ANO1: variants seen among roughly 807,000 people sequenced by gnomAD.
ANO1 encodes anoctamin 1, also known as anoctamin-1.
Under a neutral mutation model 124.0 loss-of-function variants are expected in ANO1, and 59 were observed. The ratio of observed to expected loss-of-function variants is 0.48; its 90% CI spans 0.39 to 0.59. ANO1 has a LOEUF of 0.59. Among genes scored for constraint, ANO1 ranks in the 20% least tolerant of loss-of-function variants. The pLI, the probability that ANO1 is intolerant of heterozygous loss-of-function variation, is 0.00. For synonymous variants in ANO1, 529 were observed against 532.0 expected (o/e 0.99, Z 0.08); for missense variants, 1,059 against 1,328.0 (o/e 0.80, Z 3.15).
intron 22 of ANO1, among the ~76,000 whole-genome samples, chr11:70,171,787 C>T (rs148228415): frequency 6.0e-4 from 91 of 152,184 alleles, no homozygotes; most frequent in African/African-American, 2.0e-3. Context: ...GGCAACATGA[C>T]GAAACCCTGT....
At chr11:69,975,775 G>A in the ANO1 span, among the ~76,000 whole-genome samples, 1 of 152,216 alleles carries the variant, frequency 6.6e-6, no homozygotes, top group Non-Finnish European at 1.5e-5. Context: ...GTCACCACCT[G>A]GCAGGTAGTA....
chr11:69,968,929 G>A, the ANO1 span, among the ~76,000 whole-genome samples: 1 of 152,210 alleles, frequency 6.6e-6, no homozygotes, highest in Non-Finnish European at 1.5e-5. Context: ...TTGTTGCACT[G>A]TTGGAAGCTG....
intron 1 of ANO1, among the ~76,000 whole-genome samples, chr11:70,033,218 G>A (rs112693997): frequency 5.3e-5 from 8 of 152,130 alleles, no homozygotes; most frequent in Admixed American, 2.0e-4. Context: ...GCTTGCTCCC[G>A]TTTTCCTGAC....
chr11:70,153,057 G>C lies in ANO1; in HGVS notation c.1354G>C (p.Asp452His). 6.2e-7 allele frequency: 1 copy of C among 1,603,512 alleles called. No individual in the cohort carries two copies. ...GFEEEEEAVK[D>H]HPRAEYEARV... is the part of the protein sequence containing the mutation. ...TGTCTTGACTTGGTTTCATTCACAG[G>C]ATCATCCTAGAGCTGAATACGAAGC... is the stretch of plus-strand genomic sequence containing the variant. Residue 452 changes from aspartate (D) to histidine (H), a missense_variant and splice_region_variant, in exon 14 of 26, where the codon GAT becomes CAT. Transcript: ENST00000355303.
intron 2 of ANO1, among the ~76,000 whole-genome samples, chr11:70,100,946 G>A (rs2045243384): frequency 6.6e-6 from 1 of 152,220 alleles, no homozygotes; most frequent in South Asian, 2.1e-4. Context: ...CCTGAGCGGT[G>A]GTGCTGGGGA....
intron 1 of ANO1, among the ~76,000 whole-genome samples, chr11:70,026,371 G>T (rs1856908037): frequency 6.6e-6 from 1 of 150,976 alleles, no homozygotes; most frequent in African/African-American, 2.4e-5. Context: ...TGGTGGTGGT[G>T]ATGACAATGA....
chr11:70,183,608 A>AGCT (rs2049007634), intron 24 of ANO1, among the ~76,000 whole-genome samples: 1 of 152,192 alleles, frequency 6.6e-6, no homozygotes, highest in Non-Finnish European at 1.5e-5. Flanking sequence ...AAGAGGAACG[A>AGCT]GCTGGTGCGT....
intron 7 of ANO1, among the ~76,000 whole-genome samples, chr11:70,113,077 C>T (rs1006718): frequency 0.14 from 21,269 of 152,024 alleles, 1,613 homozygotes; most frequent in Middle Eastern, 0.18. Context: ...TTCCTCCCTT[C>T]GTGCATTCAC....
chr11:70,088,469 A>G (rs1240263308), intron 2 of ANO1, among the ~76,000 whole-genome samples: 6 of 148,242 alleles, frequency 4.0e-5, no homozygotes, highest in African/African-American at 1.5e-4. Flanking sequence ...ACATCACGCC[A>G]CTGCACGCCA....
chr11:69,971,568 C>A, the ANO1 span, among the ~76,000 whole-genome samples: 1 of 151,746 alleles, frequency 6.6e-6, no homozygotes, highest in East Asian at 1.9e-4. Context: ...ACTCCTCCTC[C>A]TCCTCCCTTC....
intron 22 of ANO1, among the ~76,000 whole-genome samples, chr11:70,177,189 A>ACGTCCCTCGGGAGCCC (rs1214383251): frequency 2.6e-5 from 4 of 152,190 alleles, no homozygotes; most frequent in Non-Finnish European, 4.4e-5. Context: ...CTCAGGAGCC[A>ACGTCCCTCGGGAGCCC]CGTCCCTCGG....
At chr11:70,014,829 G>GTTTTTT (rs5792503) in intron 1 of ANO1, 6 of 140,604 alleles carry the variant, frequency 4.3e-5, no homozygotes, top group South Asian at 2.2e-4. Context: ...TTTTGTTTTT[G>GTTTTTT]TTTTTTTTTT....
intron 1 of ANO1, among the ~76,000 whole-genome samples, chr11:70,008,145 T>G (rs1856527059): frequency 6.6e-6 from 1 of 152,212 alleles, no homozygotes; most frequent in African/African-American, 2.4e-5. Flanking sequence ...GCTCTTTATA[T>G]ATATTAGATA....
the ANO1 span, among the ~76,000 whole-genome samples, chr11:69,969,184 C>T: frequency 0.021 from 3,191 of 152,266 alleles, 127 homozygotes; most frequent in African/African-American, 0.074. Flanking sequence ...TCATAGGGGC[C>T]GGGGTGCACA....
intron 7 of ANO1, among the ~76,000 whole-genome samples, chr11:70,112,881 G>A (rs1451665360): frequency 6.6e-6 from 1 of 152,110 alleles, no homozygotes; most frequent in Non-Finnish European, 1.5e-5. Flanking sequence ...TCTTGAGGAA[G>A]AAACAATGGA....
intron 1 of ANO1, among the ~76,000 whole-genome samples, chr11:70,033,196 G>T (rs1399505982): frequency 2.0e-5 from 3 of 152,124 alleles, no homozygotes; most frequent in African/African-American, 7.2e-5. Context: ...ATCAGACCCT[G>T]CCAAGGGACC....
At chr11:70,182,466 C>T in intron 23 of ANO1, 36 bp from the exon 24 acceptor site, 2 of 1,468,626 alleles carry the variant, frequency 1.4e-6, no homozygotes, top group Non-Finnish European at 9.1e-7. Context: ...TGCGCCCAGG[C>T]TGGGGGTCCC....
intron 1 of ANO1, among the ~76,000 whole-genome samples, chr11:70,041,456 G>C (rs572395177): frequency 9.9e-5 from 15 of 152,154 alleles, no homozygotes; most frequent in Non-Finnish European, 1.6e-4. Context: ...ATTTAGGCTG[G>C]GGGAAAACTG....
intron 1 of ANO1, among the ~76,000 whole-genome samples, chr11:70,019,754 G>T (rs1032028041): frequency 6.6e-6 from 1 of 152,230 alleles, no homozygotes; most frequent in Non-Finnish European, 1.5e-5. Context: ...TAATTCTAGG[G>T]CAGGCCTCAT....
Sources: gnomAD v4.1 joint callset for allele counts (sites outside exome capture counted in the v4.1 genomes callset) on GRCh38, gnomAD v4.1.1 for gene constraint, MANE v1.5 for transcripts, NCBI Gene and HGNC (gene_info 2026-07-23, HGNC 2026-07-21) for gene names.